EPHB1: variants seen among roughly 807,000 people sequenced by gnomAD.
The protein encoded by EPHB1 is EPH receptor B1.
A neutral mutation model predicts 94.4 loss-of-function variants in EPHB1; 30 were observed. The observed-to-expected ratio is 0.32, with a 90% CI of 0.24 to 0.43. The LOEUF is 0.43. EPHB1 is among the 20% of genes least tolerant of loss of function. EPHB1 has a pLI of 1.00. For synonymous variants in EPHB1, 522 were observed against 489.1 expected, an observed-to-expected ratio of 1.07 and a Z score of -0.89; for missense variants, 1,055 against 1,308.3, an observed-to-expected ratio of 0.81 and a Z score of 2.99.
rs531434578 is a variant in EPHB1 at position 135,008,961 on chromosome 3, C to T, written c.805+56909C>T. Among the ~76,000 whole-genome samples the T allele has an allele frequency of 1.1e-3, 170 of 152,280 alleles. 1 individual carries two copies. Among genetic ancestry groups the T allele is most frequent in the Non-Finnish European group, 2.1e-3 (143 of 68,020 alleles). On this transcript the variant is annotated intron_variant, in intron 3 of 15. Coordinates refer to ENST00000398015, the MANE Select transcript of EPHB1 (RefSeq NM_004441.5). ...TTGAGTGCATTCAGTGCGGCCAGGCCCTTCACTGGGCAGGTGTGGTCACAG... is the reference window on the plus strand; with the variant it reads ...TTGAGTGCATTCAGTGCGGCCAGGCTCTTCACTGGGCAGGTGTGGTCACAG...
chr3:135,200,596 C>T (rs1441510820), intron 11 of EPHB1, among the ~76,000 whole-genome samples: 1 of 152,110 alleles, frequency 6.6e-6, no homozygotes, highest in Non-Finnish European at 1.5e-5. Flanking sequence ...GATTTTCTAT[C>T]TACCTTAAAG....
At chr3:135,038,849 G>A (rs1936734167) in intron 3 of EPHB1, among the ~76,000 whole-genome samples, 1 of 152,148 alleles carries the variant, frequency 6.6e-6, no homozygotes, top group African/African-American at 2.4e-5. Flanking sequence ...GGGGACCCCA[G>A]CGGGTTGCCA....
chr3:135,155,600 T>A (rs1379312746), intron 6 of EPHB1, among the ~76,000 whole-genome samples: 1 of 151,824 alleles, frequency 6.6e-6, no homozygotes, highest in African/African-American at 2.4e-5. Context: ...GCTCAGGAGT[T>A]CAAGACTAGC....
intron 4 of EPHB1, among the ~76,000 whole-genome samples, chr3:135,129,324 G>C (rs73862014): frequency 0.029 from 4,434 of 152,046 alleles, 217 homozygotes; most frequent in African/African-American, 0.1. Flanking sequence ...GCCACTAGAT[G>C]AGAGACTGGG....
intron 12 of EPHB1, among the ~76,000 whole-genome samples, chr3:135,237,277 T>TACAC (rs10572168): frequency 0.018 from 2,675 of 147,436 alleles, 27 homozygotes; most frequent in South Asian, 0.066. Context: ...CACCAAATTC[T>TACAC]ACACACACAC....
At chr3:134,804,507 T>G (rs1235990247) in intron 1 of EPHB1, among the ~76,000 whole-genome samples, 6 of 152,066 alleles carry the variant, frequency 3.9e-5, no homozygotes. Flanking sequence ...TAAGCTGTGT[T>G]GCTTAGATGG....
chr3:134,906,204 A>G (rs999997570), intron 1 of EPHB1, among the ~76,000 whole-genome samples: 1 of 152,234 alleles, frequency 6.6e-6, no homozygotes, highest in African/African-American at 2.4e-5. Context: ...GAAGGACTCA[A>G]ATTCCTTTTT....
intron 4 of EPHB1, among the ~76,000 whole-genome samples, chr3:135,130,791 C>T (rs1169556657): frequency 6.6e-6 from 1 of 152,188 alleles, no homozygotes. Context: ...ATTCACCCCA[C>T]ACCTAGTATA....
intron 1 of EPHB1, among the ~76,000 whole-genome samples, chr3:134,810,819 C>T (rs891050824): frequency 6.6e-6 from 1 of 152,208 alleles, no homozygotes; most frequent in Admixed American, 6.5e-5. Flanking sequence ...CTATGTGTCT[C>T]TCTGCTAGGC....
chr3:135,182,604 G>T (rs1010144331), intron 10 of EPHB1, among the ~76,000 whole-genome samples: 3 of 152,234 alleles, frequency 2.0e-5, no homozygotes, highest in African/African-American at 7.2e-5. Context: ...TGCTGTTCTT[G>T]GAGGGGCTGA....
At chr3:134,924,028 A>G (rs753389155) in intron 1 of EPHB1, among the ~76,000 whole-genome samples, 11 of 152,204 alleles carry the variant, frequency 7.2e-5, no homozygotes, top group Non-Finnish European at 1.3e-4. Flanking sequence ...TCACCTGCCC[A>G]TATAGCACCA....
intron 4 of EPHB1, among the ~76,000 whole-genome samples, chr3:135,125,104 G>C (rs1224424891): frequency 6.6e-6 from 1 of 151,630 alleles, no homozygotes; most frequent in Admixed American, 6.6e-5. Flanking sequence ...GCCCTTCCAA[G>C]CTTCTGCTAT....
chr3:135,190,972 TG>T, intron 10 of EPHB1, among the ~76,000 whole-genome samples: 1 of 152,252 alleles, frequency 6.6e-6, no homozygotes, highest in African/African-American at 2.4e-5. Context: ...CCAGGTGCAG[TG>T]GTGCACACCT....
intron 1 of EPHB1, among the ~76,000 whole-genome samples, chr3:134,839,544 T>G (rs1273165786): frequency 1.3e-5 from 2 of 151,990 alleles, no homozygotes; most frequent in African/African-American, 4.8e-5. Flanking sequence ...CCTCTGCCCT[T>G]GGTCACCGAG....
intron 1 of EPHB1, among the ~76,000 whole-genome samples, chr3:134,854,999 A>C (rs544727149): frequency 6.6e-6 from 1 of 152,342 alleles, no homozygotes; most frequent in South Asian, 2.1e-4. Context: ...TGTCTCTCCT[A>C]TACATGAGTG....
At chr3:135,079,242 T>G (rs990361228) in intron 3 of EPHB1, among the ~76,000 whole-genome samples, 2 of 152,226 alleles carry the variant, frequency 1.3e-5, no homozygotes, top group Non-Finnish European at 2.9e-5. Flanking sequence ...TCATGGGGCG[T>G]TGAGTCTACA....
chr3:135,235,460 C>G (rs1476496394), intron 12 of EPHB1, among the ~76,000 whole-genome samples: 3 of 152,138 alleles, frequency 2.0e-5, no homozygotes, highest in African/African-American at 7.2e-5. Context: ...GATACACATT[C>G]AAATTTGAGA....
intron 5 of EPHB1, among the ~76,000 whole-genome samples, chr3:135,139,329 C>T (rs1940733849): frequency 6.6e-6 from 1 of 152,334 alleles, no homozygotes; most frequent in African/African-American, 2.4e-5. Flanking sequence ...ACAGAAGAGA[C>T]TCAACCACTC....
At chr3:135,145,284 T>A (rs1398276297) in intron 5 of EPHB1, among the ~76,000 whole-genome samples, 2 of 152,176 alleles carry the variant, frequency 1.3e-5, no homozygotes, top group Non-Finnish European at 2.9e-5. Flanking sequence ...AGTCTTTAGT[T>A]GACATTTAAA....
Sources: allele counts gnomAD v4.1 joint callset (sites outside exome capture counted in the v4.1 genomes callset), GRCh38; gene constraint gnomAD v4.1.1; transcripts MANE v1.5; gene names NCBI Gene and HGNC (gene_info 2026-07-23, HGNC 2026-07-21).